Variants in WWTR1 observed in about 807,000 individuals in gnomAD.
WWTR1 encodes WW domain-containing transcription regulator protein 1.
In WWTR1, 13 loss-of-function variants were observed where a neutral mutation model predicts 40.1. The observed-to-expected ratio is 0.32, with a 90% CI of 0.21 to 0.52. WWTR1 has a LOEUF of 0.52. Among genes scored for constraint, WWTR1 ranks in the 20% least tolerant of loss-of-function variants. The pLI is 0.97. For synonymous variants in WWTR1, 230 were observed against 210.1 expected (o/e 1.09, Z -0.82); for missense variants, 436 against 523.1 (o/e 0.83, Z 1.63).
At chr3:149,537,544 GT>G (rs1735894423) in intron 4 of WWTR1, among the ~76,000 whole-genome samples, 1 of 152,070 alleles carries the variant, frequency 6.6e-6, no homozygotes, top group Non-Finnish European at 1.5e-5. Context: ...ATAAACATAC[GT>G]TTTGTCTTTT....
rs551997229 is a variant in WWTR1, at chr3:149,601,293, C to G, written c.432-28293G>C. 3.9e-5 allele frequency among the ~76,000 whole-genome samples: 6 copies of G among 152,180 alleles called. No individual in the cohort carries two copies. In the South Asian group the frequency reaches 1.2e-3, roughly 32 times the overall value. ...GCAACCTCTGCCTCCCAGGTTCAAG[C>G]AATACTAGTGCTTCAGCCTCCTGAG... On this transcript the variant is annotated intron_variant, in intron 2 of 6. Transcript: ENST00000360632.
At chr3:149,615,268 A>T (rs1160818648) in intron 2 of WWTR1, among the ~76,000 whole-genome samples, 1 of 152,168 alleles carries the variant, frequency 6.6e-6, no homozygotes, top group Non-Finnish European at 1.5e-5. Flanking sequence ...GGTTTCAACC[A>T]TTTTTTTATA....
chr3:149,696,786 A>G (rs535029060), intron 1 of WWTR1, among the ~76,000 whole-genome samples: 1 of 152,258 alleles, frequency 6.6e-6, no homozygotes, highest in Non-Finnish European at 1.5e-5. Context: ...ATGTGATCAC[A>G]TCACTCCCCT....
chr3:149,720,840 G>A (rs1173538000), intron 4 of WWTR1, among the ~76,000 whole-genome samples: 1 of 151,830 alleles, frequency 6.6e-6, no homozygotes, highest in Non-Finnish European at 1.5e-5. Context: ...TTACATCCTT[G>A]GTAAAGTTAA....
At chr3:149,673,228 A>C (rs1221422892) in intron 1 of WWTR1, among the ~76,000 whole-genome samples, 1 of 152,194 alleles carries the variant, frequency 6.6e-6, no homozygotes, top group Non-Finnish European at 1.5e-5. Context: ...AAAAAAAATA[A>C]AAATTAAAAA....
intron 2 of WWTR1, among the ~76,000 whole-genome samples, chr3:149,651,459 G>A (rs1296870080): frequency 6.6e-6 from 1 of 152,116 alleles, no homozygotes; most frequent in Non-Finnish European, 1.5e-5. Context: ...AAGGAATCTC[G>A]GCATACAGCT....
At chr3:149,707,552 A>G (rs1715363225), upstream of WWTR1, among the ~76,000 whole-genome samples, 2 of 152,158 alleles carry the variant, frequency 1.3e-5, no homozygotes, top group South Asian at 4.1e-4. Flanking sequence ...GGGCAGTCAC[A>G]TGAGTTTAGG....
intron 2 of WWTR1, among the ~76,000 whole-genome samples, chr3:149,646,761 C>A (rs1346441862): frequency 6.6e-6 from 1 of 152,180 alleles, no homozygotes; most frequent in Non-Finnish European, 1.5e-5. Context: ...GAGAGCTGTT[C>A]TTTGGGCAAA....
chr3:149,714,921 G>C (rs1715566992), intron 5 of WWTR1, among the ~76,000 whole-genome samples: 1 of 152,154 alleles, frequency 6.6e-6, no homozygotes, highest in African/African-American at 2.4e-5. Context: ...GGGAGACAAG[G>C]TGATGACCAG....
At chr3:149,708,881 A>C (rs1291073115) in intron 5 of WWTR1, among the ~76,000 whole-genome samples, 2 of 152,274 alleles carry the variant, frequency 1.3e-5, no homozygotes, top group South Asian at 2.1e-4. Flanking sequence ...TTGTTGAAGA[A>C]TCTCCATACT....
In WWTR1 at chr3:149,656,875, C is replaced by G. The variant is rs771731667; in HGVS notation, c.431+1G>C. 6.6e-7 allele frequency: 1 copy of G among 1,513,674 alleles called. No individual in the cohort carries two copies. Among genetic ancestry groups the G allele is most frequent in the Non-Finnish European group, 8.8e-7 (1 of 1,138,882 alleles). The allele number at this position is 1,513,674 out of a possible 1,614,324, so 93.8% of individuals were successfully genotyped here. On this transcript the variant is annotated splice_donor_variant, in intron 2 of 6. Coordinates refer to ENST00000360632, the MANE Select transcript of WWTR1 (RefSeq NM_015472.6). LOFTEE classifies it high-confidence loss of function. ...CCTTCTTCGGCTCCAGGCTGACTTA[C>G]TTGAGGAAGTACCTCTGGCCAGTGG...
intron 3 of WWTR1, among the ~76,000 whole-genome samples, chr3:149,568,212 C>T (rs1360605841): frequency 6.6e-6 from 1 of 151,998 alleles, no homozygotes; most frequent in African/African-American, 2.4e-5. Flanking sequence ...ATGGTGAAAC[C>T]CCATCTCTAC....
At chr3:149,632,933 A>G (rs569666529) in intron 2 of WWTR1, among the ~76,000 whole-genome samples, 2 of 152,240 alleles carry the variant, frequency 1.3e-5, no homozygotes, top group Admixed American at 6.5e-5. Flanking sequence ...CATGGCTAAT[A>G]GCTATCTAGT....
intron 3 of WWTR1, among the ~76,000 whole-genome samples, chr3:149,567,193 CA>C (rs11446548): frequency 8.7e-4 from 110 of 126,542 alleles, no homozygotes; most frequent in Admixed American, 1.2e-3. Context: ...ACCAAAAAGG[CA>C]AAAAAAAAAA....
chr3:149,656,721 T>C (rs1275958083), intron 2 of WWTR1, among the ~76,000 whole-genome samples, 155 bp downstream of exon 2: 1 of 152,000 alleles, frequency 6.6e-6, no homozygotes, highest in Non-Finnish European at 1.5e-5. Flanking sequence ...CAGCTCTCCA[T>C]ATCTGTGAAA....
chr3:149,538,032 G>A (rs1735913950), intron 4 of WWTR1, among the ~76,000 whole-genome samples: 1 of 151,288 alleles, frequency 6.6e-6, no homozygotes, highest in Non-Finnish European at 1.5e-5. Flanking sequence ...AGATTCTCCT[G>A]CCTCAGCCTC....
chr3:149,611,167 G>A (rs762747976), intron 2 of WWTR1, among the ~76,000 whole-genome samples: 4 of 151,914 alleles, frequency 2.6e-5, no homozygotes, highest in African/African-American at 7.3e-5. Flanking sequence ...AAGAATAATA[G>A]TAAAAGTTTT....
chr3:149,543,196 T>A (rs1576548236), intron 3 of WWTR1, among the ~76,000 whole-genome samples: 1 of 152,266 alleles, frequency 6.6e-6, no homozygotes, highest in Non-Finnish European at 1.5e-5. Flanking sequence ...CTAAACATGT[T>A]GTGCCTGGAT....
chr3:149,614,914 T>C (rs1022824099), intron 2 of WWTR1, among the ~76,000 whole-genome samples: 1 of 151,090 alleles, frequency 6.6e-6, no homozygotes, highest in Non-Finnish European at 1.5e-5. Flanking sequence ...ACCAGGGAGG[T>C]GGAGTTTACA....
Sources: gnomAD v4.1 joint callset for allele counts (sites outside exome capture counted in the v4.1 genomes callset) on GRCh38, gnomAD v4.1.1 for gene constraint, MANE v1.5 for transcripts, NCBI Gene and HGNC (gene_info 2026-07-23, HGNC 2026-07-21) for gene names.